The following TENM2 variants were observed in gnomAD, a reference collection of about 807,000 sequenced individuals.
TENM2 encodes the protein teneurin-2.
A neutral mutation model predicts 245.2 loss-of-function variants in TENM2; 52 were observed. The observed-to-expected ratio is 0.21, with a 90% CI of 0.17 to 0.27. The LOEUF is 0.27. TENM2 is among the 10% of genes least tolerant of loss of function. The probability of loss-of-function intolerance (pLI) is 1.00; values close to 1 mark genes in which losing one functional copy is unlikely to be tolerated. For missense variants in TENM2, 3,046 were observed against 3,666.8 expected, an observed-to-expected ratio of 0.83 and a Z score of 4.37; for synonymous variants, 1,363 against 1,438.9, an observed-to-expected ratio of 0.95 and a Z score of 1.19.
At chr5:168,032,626 A>C (rs1787242387) in intron 5 of TENM2, among the ~76,000 whole-genome samples, 1 of 152,230 alleles carries the variant, frequency 6.6e-6, no homozygotes, top group Admixed American at 6.5e-5. Context: ...CTTCTAAAGA[A>C]GCAAAGAAAA....
intron 2 of TENM2, among the ~76,000 whole-genome samples, chr5:167,646,178 A>T (rs1467267264): frequency 6.9e-5 from 2 of 29,122 alleles, no homozygotes; most frequent in Non-Finnish European, 1.5e-4. Context: ...TGTTGTTTTC[A>T]TATATATATA....
intron 3 of TENM2, among the ~76,000 whole-genome samples, chr5:167,930,183 G>A (rs1195376157): frequency 6.6e-6 from 1 of 152,222 alleles, no homozygotes; most frequent in African/African-American, 2.4e-5. Flanking sequence ...ATCTCAGATA[G>A]AGGGGGCTTT....
chr5:168,039,982 A>T (rs974652503), intron 5 of TENM2, among the ~76,000 whole-genome samples: 24 of 152,238 alleles, frequency 1.6e-4, no homozygotes, highest in African/African-American at 5.3e-4. Context: ...ACAGCAATTG[A>T]TTAATCTCGT....
intron 3 of TENM2, among the ~76,000 whole-genome samples, chr5:167,894,581 C>T (rs1265040378): frequency 6.6e-6 from 1 of 152,080 alleles, no homozygotes; most frequent in Non-Finnish European, 1.5e-5. Context: ...CTGGTATGGT[C>T]ATTCACTATA....
chr5:168,199,744 T>C (rs1761769571), intron 16 of TENM2, 120 bp from the exon 19 acceptor site: 3 of 1,073,836 alleles, frequency 2.8e-6, no homozygotes, highest in Non-Finnish European at 4.0e-6. Flanking sequence ...TAAGTGGTTC[T>C]TGCACCCACA....
At chr5:168,097,603 CGTGTGTGTGT>C (rs3083428) in intron 8 of TENM2, among the ~76,000 whole-genome samples, 2 of 149,158 alleles carry the variant, frequency 1.3e-5, no homozygotes, top group African/African-American at 2.5e-5. Flanking sequence ...TGTGTGTGTG[CGTGTGTGTGT>C]GTGTGTGTGT....
chr5:167,409,523 T>A (rs1182495573), intron 2 of TENM2, among the ~76,000 whole-genome samples: 3 of 151,882 alleles, frequency 2.0e-5, no homozygotes, highest in Non-Finnish European at 4.4e-5. Context: ...ATAGAACCAA[T>A]TAAGCTTTAA....
chr5:167,150,149 G>A, the TENM2 span, among the ~76,000 whole-genome samples: 3,910 of 152,160 alleles, frequency 0.026, 163 homozygotes, highest in African/African-American at 0.089. Flanking sequence ...GTCTTGATCT[G>A]TATAAAAGAC....
chr5:168,231,154 A>C (rs1475923477), intron 25 of TENM2: 1 of 152,234 alleles, frequency 6.6e-6, no homozygotes, highest in Non-Finnish European at 1.5e-5. Flanking sequence ...TGAGAACACT[A>C]TCAGGGAACC....
chr5:167,751,891 A>G (rs1761979779), intron 2 of TENM2, among the ~76,000 whole-genome samples: 1 of 152,062 alleles, frequency 6.6e-6, no homozygotes, highest in Non-Finnish European at 1.5e-5. Context: ...CAGTCCATAA[A>G]GCCAGGAAGA....
chr5:168,239,641 C>T (rs1166936974), intron 25 of TENM2, among the ~76,000 whole-genome samples: 1 of 152,150 alleles, frequency 6.6e-6, no homozygotes, highest in East Asian at 1.9e-4. Context: ...CAGGAATGTT[C>T]AGGGTTCTTT....
At chr5:168,020,744 C>T (rs577548499) in intron 5 of TENM2, among the ~76,000 whole-genome samples, 2 of 152,280 alleles carry the variant, frequency 1.3e-5, no homozygotes, top group East Asian at 3.9e-4. Context: ...CTTTGGACCC[C>T]TTCCAGGCTG....
At chr5:167,682,306 G>A (rs1415794611) in intron 2 of TENM2, among the ~76,000 whole-genome samples, 1 of 151,826 alleles carries the variant, frequency 6.6e-6, no homozygotes, top group African/African-American at 2.4e-5. Flanking sequence ...GGGATTACAG[G>A]CACACATCAC....
intron 2 of TENM2, among the ~76,000 whole-genome samples, chr5:167,428,071 C>CT (rs923428929): frequency 2.0e-5 from 3 of 152,116 alleles, no homozygotes; most frequent in Non-Finnish European, 4.4e-5. Context: ...CTATTCCCTC[C>CT]TTTTTTTGTC....
intron 2 of TENM2, among the ~76,000 whole-genome samples, chr5:167,853,270 A>G (rs986048686): frequency 2.4e-5 from 3 of 122,884 alleles, no homozygotes; most frequent in African/African-American, 3.4e-5. Context: ...AGCCTGGGAG[A>G]CAGAGCGAGA....
chr5:167,778,661 C>A (rs375571467), intron 2 of TENM2, among the ~76,000 whole-genome samples: 1 of 152,058 alleles, frequency 6.6e-6, no homozygotes, highest in East Asian at 1.9e-4. Flanking sequence ...TAGGAATAAG[C>A]ACAATAGTAT....
chr5:168,238,974 C>G (rs1482477235), intron 25 of TENM2, among the ~76,000 whole-genome samples: 3 of 152,286 alleles, frequency 2.0e-5, no homozygotes, highest in African/African-American at 7.2e-5. Context: ...TCGTGTTGAT[C>G]CCGGCAGTGA....
At chr5:167,408,106 A>C (rs892565801) in intron 2 of TENM2, among the ~76,000 whole-genome samples, 1 of 152,150 alleles carries the variant, frequency 6.6e-6, no homozygotes, top group East Asian at 1.9e-4. Context: ...GTTATATTTG[A>C]ATATATCAAA....
the TENM2 span, among the ~76,000 whole-genome samples, chr5:167,091,001 C>T: frequency 6.6e-6 from 1 of 152,134 alleles, no homozygotes; most frequent in East Asian, 1.9e-4. Context: ...TATATTAAGT[C>T]AGTATTTTTT....
Sources: gnomAD v4.1 joint callset for allele counts (sites outside exome capture counted in the v4.1 genomes callset) on GRCh38, gnomAD v4.1.1 for gene constraint, MANE v1.5 for transcripts, NCBI Gene and HGNC (gene_info 2026-07-23, HGNC 2026-07-21) for gene names.